LEF1: variants seen among roughly 807,000 people sequenced by gnomAD.
LEF1 encodes lymphoid enhancer binding factor 1.
LEF1 carries 14 observed loss-of-function variants against 51.2 expected under a neutral mutation model. That is an observed-to-expected ratio of 0.27 (90% CI 0.18 to 0.43). The LOEUF is 0.43. Ranked by LOEUF, LEF1 falls within the 20% of genes least tolerant of loss-of-function variation. The pLI is 1.00. For synonymous variants in LEF1, 185 were observed against 183.2 expected, an observed-to-expected ratio of 1.01 and a Z score of -0.08; for missense variants, 386 against 512.0, an observed-to-expected ratio of 0.75 and a Z score of 2.37.
intron 3 of LEF1, among the ~76,000 whole-genome samples, chr4:108,122,015 T>C (rs1480092988): frequency 1.3e-5 from 2 of 152,234 alleles, no homozygotes; most frequent in East Asian, 3.8e-4. Context: ...TCACAACTAA[T>C]CCTTTGAAGT....
chr4:108,147,708 G>A (rs912770232), intron 3 of LEF1, among the ~76,000 whole-genome samples: 23 of 152,104 alleles, frequency 1.5e-4, no homozygotes, highest in Non-Finnish European at 2.5e-4. Flanking sequence ...TTCAGACCAC[G>A]TATTTCCTAT....
chr4:108,156,821 G>T (rs1271048646), intron 3 of LEF1, among the ~76,000 whole-genome samples: 1 of 151,608 alleles, frequency 6.6e-6, no homozygotes, highest in Non-Finnish European at 1.5e-5. Context: ...TGGACATAGA[G>T]TGTCAAACGA....
At chr4:108,054,513 G>A (rs1737199766) in intron 11 of LEF1, among the ~76,000 whole-genome samples, 5 of 152,212 alleles carry the variant, frequency 3.3e-5, no homozygotes, top group South Asian at 4.1e-4. Context: ...GCTACAGAAC[G>A]AGAGGAGGCA....
intron 3 of LEF1, among the ~76,000 whole-genome samples, chr4:108,117,462 A>G (rs1287324613): frequency 6.6e-6 from 1 of 152,236 alleles, no homozygotes; most frequent in Admixed American, 6.5e-5. Context: ...AGCATAACAA[A>G]GCTTTTGACA....
At chr4:108,160,686 G>A (rs1745006927) in intron 3 of LEF1, among the ~76,000 whole-genome samples, 1 of 152,104 alleles carries the variant, frequency 6.6e-6, no homozygotes, top group African/African-American at 2.4e-5. Flanking sequence ...TCCTGAACAG[G>A]TAATACTGTA....
At chr4:108,068,241 T>A (rs557261421) in intron 9 of LEF1, among the ~76,000 whole-genome samples, 3 of 152,184 alleles carry the variant, frequency 2.0e-5, no homozygotes, top group Admixed American at 6.5e-5. Context: ...CATTCCAGCC[T>A]GGGCAACAAG....
intron 8 of LEF1, among the ~76,000 whole-genome samples, chr4:108,075,844 A>T (rs1295611316): frequency 6.6e-6 from 1 of 152,240 alleles, no homozygotes; most frequent in Non-Finnish European, 1.5e-5. Flanking sequence ...AGGGCAACCC[A>T]GAAACCTGGC....
Position 108,166,316 on chromosome 4 carries a change from C to T in LEF1, c.214-1153G>A, listed in dbSNP as rs1347713340. The T allele has an allele frequency of 5.2e-6, 8 of 1,531,878 alleles. No individual in the cohort carries two copies. The Admixed American group carries it at 1.6e-4, about 31-fold the overall frequency. 94.9% of individuals were successfully genotyped at this position (1,531,878 alleles called of 1,614,324 possible). On this transcript the variant is annotated intron_variant, in intron 1 of 11. Transcript: ENST00000265165. Reference sequence around the variant, plus strand: ...AAGGCAGATCTGAGGTGTTCTTAAACGCGCTGTTTAAAACCCAAAATGTCC... The same window carrying T: ...AAGGCAGATCTGAGGTGTTCTTAAATGCGCTGTTTAAAACCCAAAATGTCC...
rs561313779 is a variant in LEF1, at chr4:108,159,227, T to C, written c.414+4341A>G. 2.3e-3 allele frequency among the ~76,000 whole-genome samples: 352 copies of C among 152,230 alleles called. 3 individuals are homozygous for C. The highest frequency in any genetic ancestry group is 0.014 in the Middle Eastern group (4 of 294). On this transcript the variant is annotated intron_variant, in intron 3 of 11. Coordinates refer to ENST00000265165, the MANE Select transcript of LEF1 (RefSeq NM_016269.5). The stretch of plus-strand genomic sequence containing the variant: ...ATTCTGACTATGATCCTGTCCCAAA[T>C]TGTAGCAATGCCATGAAGGAGGGAT...
At chr4:108,114,962 G>A (rs1038470533) in intron 3 of LEF1, among the ~76,000 whole-genome samples, 5 of 152,220 alleles carry the variant, frequency 3.3e-5, no homozygotes, top group South Asian at 2.1e-4. Flanking sequence ...TAAAAGGAAC[G>A]GAATGGGATG....
intron 3 of LEF1, among the ~76,000 whole-genome samples, chr4:108,114,222 T>TG (rs1741702789): frequency 6.6e-6 from 1 of 152,204 alleles, no homozygotes; most frequent in Non-Finnish European, 1.5e-5. Flanking sequence ...TTCTCTCTTC[T>TG]TTATTGTTAA....
intron 3 of LEF1, among the ~76,000 whole-genome samples, chr4:108,109,774 A>G (rs1360124033): frequency 1.3e-5 from 2 of 152,182 alleles, no homozygotes; most frequent in Non-Finnish European, 2.9e-5. Flanking sequence ...CTCTTACTGT[A>G]TACATAGAGA....
At chr4:108,058,739 A>G (rs1004612694) in intron 11 of LEF1, among the ~76,000 whole-genome samples, 2 of 152,176 alleles carry the variant, frequency 1.3e-5, no homozygotes, top group Admixed American at 6.5e-5. Flanking sequence ...TAATATGTCT[A>G]TATCTTCTTA....
chr4:108,139,237 T>C (rs570981150), intron 3 of LEF1, among the ~76,000 whole-genome samples: 4 of 152,250 alleles, frequency 2.6e-5, no homozygotes, highest in Non-Finnish European at 5.9e-5. Flanking sequence ...ATTAACTCTA[T>C]ACTGGGAAAT....
At chr4:108,144,865 C>CAAAAAAAAAAA (rs11394687) in intron 3 of LEF1, among the ~76,000 whole-genome samples, 27 of 41,908 alleles carry the variant, frequency 6.4e-4, no homozygotes, top group Admixed American at 9.6e-4. Flanking sequence ...CCCAACCAGC[C>CAAAAAAAAAAA]AAAAAAAAAA....
At chr4:108,147,371 C>T (rs1444082543) in intron 3 of LEF1, among the ~76,000 whole-genome samples, 11 of 152,028 alleles carry the variant, frequency 7.2e-5, no homozygotes, top group African/African-American at 2.7e-4. Context: ...CAAAAACAAA[C>T]ATCTCAGATA....
chr4:108,083,936 A>G (rs112822080), intron 4 of LEF1, among the ~76,000 whole-genome samples: 2 of 152,350 alleles, frequency 1.3e-5, no homozygotes, highest in African/African-American at 4.8e-5. Flanking sequence ...AGGATCAAAG[A>G]TTAATTAGGA....
intron 11 of LEF1, among the ~76,000 whole-genome samples, chr4:108,053,326 G>A (rs1035227918): frequency 6.6e-6 from 1 of 152,202 alleles, no homozygotes; most frequent in African/African-American, 2.4e-5. Context: ...AAAGAAAAAT[G>A]AAAATGTGTG....
At chr4:108,094,176 T>C (rs1312687214) in intron 3 of LEF1, among the ~76,000 whole-genome samples, 1 of 152,200 alleles carries the variant, frequency 6.6e-6, no homozygotes, top group Non-Finnish European at 1.5e-5. Flanking sequence ...CCTGAGAGCA[T>C]GTGACATCTA....
Sources: gnomAD v4.1 joint callset for allele counts (sites outside exome capture counted in the v4.1 genomes callset) on GRCh38, gnomAD v4.1.1 for gene constraint, MANE v1.5 for transcripts, NCBI Gene and HGNC (gene_info 2026-07-23, HGNC 2026-07-21) for gene names.